ITSN2: variants seen among roughly 807,000 people sequenced by gnomAD.
The protein encoded by ITSN2 is intersectin-2.
Under a neutral mutation model 243.7 loss-of-function variants are expected in ITSN2, and 156 were observed. The observed-to-expected ratio is 0.64, with a 90% CI of 0.56 to 0.73. The LOEUF (loss-of-function observed/expected upper bound fraction) is 0.73. Among genes scored for constraint, ITSN2 ranks in the 30% least tolerant of loss-of-function variants. The pLI, the probability that ITSN2 is intolerant of heterozygous loss-of-function variation, is 0.00. For synonymous variants in ITSN2, 703 were observed against 699.9 expected, an observed-to-expected ratio of 1.00 and a Z score of -0.07; for missense variants, 1,801 against 1,996.1, an observed-to-expected ratio of 0.90 and a Z score of 1.86.
intron 34 of ITSN2, 103 bp downstream of exon 34, chr2:24,210,677 C>A: frequency 9.3e-7 from 1 of 1,074,638 alleles, no homozygotes; most frequent in Non-Finnish European, 1.3e-6. Flanking sequence ...TGAGTCCACG[C>A]AGGCTGCCTA....
chr2:24,297,706 G>C (rs943474538), intron 13 of ITSN2, among the ~76,000 whole-genome samples: 1 of 152,200 alleles, frequency 6.6e-6, no homozygotes, highest in South Asian at 2.1e-4. Context: ...GTCCTCCTCA[G>C]ACCATCTTAC....
chr2:24,246,070 C>T (rs1673321992), intron 29 of ITSN2, 59 bp downstream of exon 29: 1 of 1,044,914 alleles, frequency 9.6e-7, no homozygotes, highest in East Asian at 2.5e-5. Context: ...GGAATAAATG[C>T]AGTGCTGTAT....
At chr2:24,299,869 T>C in intron 12 of ITSN2, 40 bp downstream of exon 12, 1 of 1,486,274 alleles carries the variant, frequency 6.7e-7, no homozygotes, top group African/African-American at 1.4e-5. Flanking sequence ...ACTTATTAAA[T>C]GTAATGATTT....
intron 23 of ITSN2, among the ~76,000 whole-genome samples, chr2:24,255,457 T>G (rs1023727818): frequency 1.3e-5 from 2 of 149,204 alleles, no homozygotes; most frequent in African/African-American, 5.0e-5. Context: ...GGCAAAACCT[T>G]GTCTCTACTA....
At chr2:24,220,900 G>C (rs745378626) in intron 30 of ITSN2, 45 bp downstream of exon 30, 2 of 1,552,190 alleles carry the variant, frequency 1.3e-6, no homozygotes, top group African/African-American at 2.8e-5. Context: ...TCTCTCATGA[G>C]AGACAGCAGA....
At chr2:24,340,893 G>A (rs1291794596) in intron 1 of ITSN2, among the ~76,000 whole-genome samples, 1 of 151,996 alleles carries the variant, frequency 6.6e-6, no homozygotes, top group Non-Finnish European at 1.5e-5. Context: ...AAGAAGACTG[G>A]TCTTTTAAGA....
chr2:24,313,672 T>G, intron 3 of ITSN2, 149 bp from the exon 4 acceptor site: 1 of 535,894 alleles, frequency 1.9e-6, no homozygotes, highest in Non-Finnish European at 3.3e-6. Context: ...ACATAAAAAT[T>G]ATTTACATAA....
chr2:24,354,050 AT>A lies in ITSN2; in HGVS notation c.-34+6253del, dbSNP rs1558674521. Among the ~76,000 whole-genome samples the A allele has an allele frequency of 2.6e-5, 4 of 152,364 alleles. No homozygotes were observed. In the South Asian group the frequency reaches 8.3e-4, roughly 32 times the overall value. Reference sequence around the variant, plus strand: ...AACTTACATTTTGATATAAATGTGCATATTTATTATGAAAATTAAAACAGCA... The same window carrying A: ...AACTTACATTTTGATATAAATGTGCAATTTATTATGAAAATTAAAACAGCA... On this transcript the variant is annotated intron_variant, in intron 1 of 39. Transcript: ENST00000355123.
At chr2:24,339,791 C>T (rs1686844007) in intron 1 of ITSN2, among the ~76,000 whole-genome samples, 1 of 152,062 alleles carries the variant, frequency 6.6e-6, no homozygotes, top group Non-Finnish European at 1.5e-5. Flanking sequence ...CTTTGGGAGG[C>T]CACAGTGGGA....
chr2:24,275,877 A>T (rs1356194821), intron 17 of ITSN2, 28 bp from the exon 18 acceptor site: 1 of 1,544,080 alleles, frequency 6.5e-7, no homozygotes, highest in Non-Finnish European at 8.8e-7. Context: ...ATAAGTCAAT[A>T]CGTGAATGAT....
intron 29 of ITSN2, among the ~76,000 whole-genome samples, chr2:24,221,940 C>G (rs371294536): frequency 9.2e-4 from 140 of 152,244 alleles, no homozygotes; most frequent in African/African-American, 3.3e-3. Flanking sequence ...CTCAGGAAAC[C>G]CTTCTTAGAA....
At chr2:24,273,122 G>C (rs1677578884) in intron 18 of ITSN2, among the ~76,000 whole-genome samples, 1 of 152,092 alleles carries the variant, frequency 6.6e-6, no homozygotes, top group Non-Finnish European at 1.5e-5. Context: ...ATTCCTGAAG[G>C]AATCTCGAAA....
chr2:24,216,331 G>C, intron 31 of ITSN2, 99 bp from the exon 32 acceptor site: 1 of 984,422 alleles, frequency 1.0e-6, no homozygotes, highest in Non-Finnish European at 1.5e-6. Flanking sequence ...TAACCAGTGA[G>C]CTACCTAAGA....
chr2:24,278,214 T>C (rs1678268502), intron 17 of ITSN2, among the ~76,000 whole-genome samples: 1 of 152,158 alleles, frequency 6.6e-6, no homozygotes, highest in South Asian at 2.1e-4. Context: ...AGTATTCCTT[T>C]ACTAACCCTA....
chr2:24,295,864 A>C, intron 13 of ITSN2, 60 bp from the exon 14 acceptor site: 2 of 1,189,480 alleles, frequency 1.7e-6, no homozygotes, highest in Non-Finnish European at 2.3e-6. Flanking sequence ...ATGTTTCTAC[A>C]AGGAGAATAA....
At chr2:24,240,592 T>C (rs1672613023) in intron 29 of ITSN2, 1 of 152,230 alleles carries the variant, frequency 6.6e-6, no homozygotes, top group Non-Finnish European at 1.5e-5. Context: ...ATTTAGGCAA[T>C]GTATGACTGA....
intron 15 of ITSN2, among the ~76,000 whole-genome samples, chr2:24,287,179 A>G (rs1679612434): frequency 1.3e-5 from 2 of 151,964 alleles, no homozygotes; most frequent in African/African-American, 2.4e-5. Flanking sequence ...TATTGTCTAC[A>G]TTGCTATGCA....
intron 5 of ITSN2, among the ~76,000 whole-genome samples, chr2:24,311,152 T>C (rs1683219883): frequency 1.3e-5 from 2 of 152,198 alleles, no homozygotes; most frequent in Admixed American, 6.5e-5. Flanking sequence ...GTAGATACTT[T>C]ATGAGATCCA....
At chr2:24,338,355 C>G (rs1486102044) in intron 1 of ITSN2, among the ~76,000 whole-genome samples, 1 of 152,140 alleles carries the variant, frequency 6.6e-6, no homozygotes, top group Non-Finnish European at 1.5e-5. Flanking sequence ...CTGGATGGAA[C>G]CAATGTATTT....
Sources: allele counts gnomAD v4.1 joint callset (sites outside exome capture counted in the v4.1 genomes callset), GRCh38; gene constraint gnomAD v4.1.1; transcripts MANE v1.5; gene names NCBI Gene and HGNC (gene_info 2026-07-23, HGNC 2026-07-21).